The following NSD3 variants were observed in gnomAD, a reference collection of about 807,000 sequenced individuals.
The protein encoded by NSD3 is histone-lysine N-methyltransferase NSD3.
NSD3 carries 24 observed loss-of-function variants against 160.8 expected under a neutral mutation model. The observed-to-expected ratio is 0.15, with a 90% CI of 0.11 to 0.21. NSD3 has a LOEUF of 0.21. Among genes scored for constraint, NSD3 ranks in the 10% least tolerant of loss-of-function variants. NSD3 has a pLI of 1.00. For missense variants in NSD3, 1,157 were observed against 1,735.9 expected (o/e 0.67, Z 5.93); for synonymous variants, 520 against 600.0 (o/e 0.87, Z 1.95).
At chr8:38,347,092 AG>A (rs1326404525) in intron 2 of NSD3, among the ~76,000 whole-genome samples, 1 of 152,198 alleles carries the variant, frequency 6.6e-6, no homozygotes, top group Non-Finnish European at 1.5e-5. Context: ...GTTATTTTGT[AG>A]CAAACATTAG....
chr8:38,314,712 T>C lies in NSD3; in HGVS notation c.2177A>G (p.His726Arg). The C allele has an allele frequency of 6.2e-7, 1 of 1,614,162 alleles. No homozygotes were observed. Among genetic ancestry groups the C allele is most frequent in the Non-Finnish European group, 8.5e-7 (1 of 1,180,024 alleles). ...TGATGCCAATCCCAGGCACTCCAGG[T>C]GAAAGTGTTTGCAGCACTCTCCCTC... Reference protein sequence around the residue: ...PCEGECCKHFHLECLGLASLP... With the variant: ...PCEGECCKHFRLECLGLASLP... Residue 726 changes from histidine to arginine, a missense_variant, in exon 12 of 24, where the codon CAC becomes CGC. Transcript: ENST00000317025.
chr8:38,273,906 T>C lies in NSD3; in HGVS notation c.*1735A>G, dbSNP rs889876942. The stretch of plus-strand genomic sequence containing the variant: ...GAGCTTCAGTAAAAGAATTGTAGTG[T>C]TTTTTACAAGAGAAAATCCAGTATA... On this transcript the variant is annotated 3_prime_UTR_variant, in exon 24 of 24. Transcript: ENST00000317025. The C allele has an allele frequency of 6.6e-6, 1 of 152,136 alleles. No individual in the cohort carries two copies. Among genetic ancestry groups the C allele is most frequent in the Non-Finnish European group, 1.5e-5 (1 of 68,024 alleles). The allele number at this position is 152,136 out of a possible 1,614,324, so 9.4% of individuals were successfully genotyped here.
chr8:38,327,038 T>A (rs902271203), intron 6 of NSD3, among the ~76,000 whole-genome samples, 182 bp from the exon 7 acceptor site: 3 of 152,050 alleles, frequency 2.0e-5, no homozygotes, highest in Non-Finnish European at 2.9e-5. Context: ...ATACTTTTTT[T>A]AAAAATTAAA....
chr8:38,356,994 C>T (rs1447000854), intron 1 of NSD3, among the ~76,000 whole-genome samples: 5 of 151,288 alleles, frequency 3.3e-5, no homozygotes, highest in South Asian at 2.1e-4. Context: ...TGGTACACGC[C>T]GGTAATCCCA....
chr8:38,351,589 G>C (rs1400965927), intron 1 of NSD3, among the ~76,000 whole-genome samples: 3 of 151,602 alleles, frequency 2.0e-5, no homozygotes, highest in Admixed American at 6.6e-5. Flanking sequence ...TTTGAACCCA[G>C]GAGGCAGAGG....
intron 1 of NSD3, among the ~76,000 whole-genome samples, chr8:38,366,179 C>T (rs16887340): frequency 0.21 from 31,272 of 149,784 alleles, 3,473 homozygotes; most frequent in East Asian, 0.31. Context: ...TTTTGTTGGT[C>T]GGCAATCTAT....
chr8:38,365,383 A>T (rs1285122412), intron 1 of NSD3, among the ~76,000 whole-genome samples: 1 of 152,242 alleles, frequency 6.6e-6, no homozygotes, highest in Non-Finnish European at 1.5e-5. Context: ...AAGAAATAAG[A>T]TTCTAGTCTC....
intron 1 of NSD3, among the ~76,000 whole-genome samples, chr8:38,369,939 C>T (rs139987902): frequency 5.1e-4 from 77 of 152,152 alleles, no homozygotes; most frequent in Middle Eastern, 3.4e-3. Context: ...GGACTACACG[C>T]GTGCACCACA....
chr8:38,356,474 T>C (rs1213767142), intron 1 of NSD3, among the ~76,000 whole-genome samples: 2 of 151,828 alleles, frequency 1.3e-5, no homozygotes, highest in Non-Finnish European at 2.9e-5. Flanking sequence ...CCCAGCTCCT[T>C]AGGAGGCTGA....
intron 6 of NSD3, 89 bp from the exon 7 acceptor site, chr8:38,326,945 C>A: frequency 7.1e-7 from 1 of 1,416,734 alleles, no homozygotes. Flanking sequence ...TTAAAATGAT[C>A]ATAATTTGCT....
At chr8:38,327,207 G>A (rs1279419428) in intron 6 of NSD3, among the ~76,000 whole-genome samples, 5 of 151,214 alleles carry the variant, frequency 3.3e-5, no homozygotes, top group African/African-American at 1.2e-4. Context: ...GTGCCACCAC[G>A]CCCTGCTAAT....
rs1188428928 is a variant in NSD3, at chr8:38,329,669, T to C, written c.1290A>G (p.Pro430=). 4 of 1,614,154 alleles carry C rather than the reference T, an allele frequency of 2.5e-6. No homozygotes were observed. The highest frequency in any genetic ancestry group is 1.7e-5 in the Admixed American group (1 of 60,012). ...CCACCTCCCCTGCATTGGTCTGTTCTGGCTGAGTATTCAGCACAGATCTTG... is the reference window on the plus strand; with the variant it reads ...CCACCTCCCCTGCATTGGTCTGTTCCGGCTGAGTATTCAGCACAGATCTTG... ...RRPRSVLNTQ[P]EQTNAGEVAS... Residue 430 remains proline, a synonymous_variant, in exon 6 of 24, where the codon CCA becomes CCG. Transcript: ENST00000317025. The surrounding 1 kb of genome is among the most constrained non-coding windows in gnomAD (Gnocchi z 4.8).
chr8:38,289,183 A>G (rs1808936938), intron 18 of NSD3, among the ~76,000 whole-genome samples: 1 of 152,344 alleles, frequency 6.6e-6, no homozygotes, highest in South Asian at 2.1e-4. Flanking sequence ...CAGCACAATA[A>G]CTATGGCTCC....
At position 38,316,134 on chromosome 8, in the gene NSD3, C is replaced by T; in HGVS notation, c.1856-92G>A. 2.0e-6 allele frequency: 3 copies of T among 1,523,992 alleles called. No individual in the cohort carries two copies. Among genetic ancestry groups the T allele is most frequent in the Non-Finnish European group, 2.7e-6 (3 of 1,131,240 alleles). 94.4% of individuals were successfully genotyped at this position (1,523,992 alleles called of 1,614,324 possible). A position where few individuals can be genotyped will look rare whatever the true frequency, so the allele number is the denominator to read the frequency against. On this transcript the variant is annotated intron_variant, in intron 9 of 23. Transcript: ENST00000317025. This position sits in a 1 kb window ranked among gnomAD's most constrained non-coding sequence, Gnocchi z 4.5. ...TGGGAGAATATTTTCTTTTCTCAAA[C>T]TCATCTTTAGTGTGGAAAAAGCATA... is the stretch of plus-strand genomic sequence containing the variant.
chr8:38,296,343 A>G (rs570775207), intron 15 of NSD3, among the ~76,000 whole-genome samples: 1 of 152,238 alleles, frequency 6.6e-6, no homozygotes, highest in Non-Finnish European at 1.5e-5. Context: ...TCTCCTTCAG[A>G]GGTAAGAAAG....
chr8:38,359,282 A>G (rs1810901242), intron 1 of NSD3, among the ~76,000 whole-genome samples: 1 of 152,178 alleles, frequency 6.6e-6, no homozygotes, highest in African/African-American at 2.4e-5. Context: ...GAAGTAGTAC[A>G]TACATATTTT....
At chr8:38,307,099 A>G (rs1263778538) in intron 12 of NSD3, among the ~76,000 whole-genome samples, 3 of 148,156 alleles carry the variant, frequency 2.0e-5, no homozygotes, top group African/African-American at 7.4e-5. Context: ...TGGGTGACAG[A>G]GCGAGATACC....
chr8:38,367,686 T>C (rs371362511), intron 1 of NSD3, among the ~76,000 whole-genome samples: 10 of 152,286 alleles, frequency 6.6e-5, no homozygotes, highest in African/African-American at 2.2e-4. Context: ...CACTCCAGCC[T>C]GGGTGACAGA....
chr8:38,355,992 T>C (rs1377545299), intron 1 of NSD3, among the ~76,000 whole-genome samples: 5 of 152,164 alleles, frequency 3.3e-5, no homozygotes, highest in African/African-American at 9.7e-5. Context: ...CAAGTAAGCT[T>C]ACTTCCCACA....
Sources: gnomAD v4.1 joint callset for allele counts (sites outside exome capture counted in the v4.1 genomes callset) on GRCh38, gnomAD v4.1.1 for gene constraint, Gnocchi (gnomAD v3.1) non-coding constraint, MANE v1.5 for transcripts, NCBI Gene and HGNC (gene_info 2026-07-23, HGNC 2026-07-21) for gene names.